The following NWD2 variants were observed in gnomAD, a reference collection of about 807,000 sequenced individuals.
NWD2 encodes the protein NACHT and WD repeat domain containing 2, also known as NACHT and WD repeat domain-containing protein 2.
NWD2 carries 37 observed loss-of-function variants against 132.7 expected under a neutral mutation model. The ratio of observed to expected loss-of-function variants is 0.28; its 90% CI spans 0.21 to 0.37. The LOEUF (loss-of-function observed/expected upper bound fraction) is 0.37, where lower values mean the gene tolerates loss of function less well. Ranked by LOEUF, NWD2 falls within the 10% of genes least tolerant of loss-of-function variation. NWD2 has a pLI of 1.00. For synonymous variants in NWD2, 705 were observed against 803.0 expected (o/e 0.88, Z 2.06); for missense variants, 1,592 against 2,122.4 (o/e 0.75, Z 4.91).
At chr4:37,380,131 G>T (rs374122012) in intron 3 of NWD2, among the ~76,000 whole-genome samples, 1 of 152,218 alleles carries the variant, frequency 6.6e-6, no homozygotes, top group Non-Finnish European at 1.5e-5. Flanking sequence ...TGAGTTGCAG[G>T]TATTGTTATA....
At chr4:37,276,521 G>A (rs2109266095) in intron 1 of NWD2, among the ~76,000 whole-genome samples, 1 of 152,256 alleles carries the variant, frequency 6.6e-6, no homozygotes, top group South Asian at 2.1e-4. Context: ...AACCATTGTG[G>A]AAGTCAGTGT....
At chr4:37,256,126 G>A (rs2109257207) in intron 1 of NWD2, among the ~76,000 whole-genome samples, 3 of 152,286 alleles carry the variant, frequency 2.0e-5, no homozygotes, top group Non-Finnish European at 2.9e-5. Flanking sequence ...GCCATATTCA[G>A]GCTCAGTGGA....
chr4:37,284,460 G>A (rs763675261), intron 1 of NWD2, among the ~76,000 whole-genome samples: 5 of 152,120 alleles, frequency 3.3e-5, no homozygotes, highest in Non-Finnish European at 5.9e-5. Context: ...AATATTCGAT[G>A]AGCCCCAGGA....
Position 37,448,628 on chromosome 4 carries a change from A to G in NWD2, c.*1411A>G, listed in dbSNP as rs964783553. The G allele has an allele frequency of 2.0e-5, 3 of 152,232 alleles. No homozygotes were observed. Among genetic ancestry groups the G allele is most frequent in the Non-Finnish European group, 4.4e-5 (3 of 68,044 alleles). The allele number at this position is 152,232 out of a possible 1,614,324, so 9.4% of individuals were successfully genotyped here. ...GTTGAGTTTAGTTTTCTTAGAAAGT[A>G]GAGAAGTAACACTTTACTAGAATAA... On this transcript the variant is annotated 3_prime_UTR_variant, in exon 7 of 7. Transcript: ENST00000309447.
At chr4:37,280,488 A>G (rs1306258489) in intron 1 of NWD2, among the ~76,000 whole-genome samples, 1 of 152,134 alleles carries the variant, frequency 6.6e-6, no homozygotes, top group Non-Finnish European at 1.5e-5. Flanking sequence ...TATCCGGGAG[A>G]AAAACCACAC....
chr4:37,397,166 C>G (rs1432901791), intron 3 of NWD2, among the ~76,000 whole-genome samples: 1 of 152,068 alleles, frequency 6.6e-6, no homozygotes, highest in African/African-American at 2.4e-5. Context: ...ACTTTTTAGT[C>G]AGCCCAGCAG....
chr4:37,252,771 T>C (rs899049335), intron 1 of NWD2, among the ~76,000 whole-genome samples: 1 of 152,180 alleles, frequency 6.6e-6, no homozygotes, highest in African/African-American at 2.4e-5. Flanking sequence ...AGATTCCTTA[T>C]AGGGGATTGG....
intron 3 of NWD2, among the ~76,000 whole-genome samples, chr4:37,363,037 A>G (rs1585809): frequency 0.93 from 142,252 of 152,226 alleles, 67,226 homozygotes; most frequent in East Asian, 1. Flanking sequence ...CAAGTGTCCC[A>G]CAAACGTATG....
At chr4:37,434,077 C>A in intron 5 of NWD2, 57 bp downstream of exon 5, 2 of 1,173,212 alleles carry the variant, frequency 1.7e-6, no homozygotes, top group Non-Finnish European at 2.4e-6. Context: ...GGTACATCTA[C>A]TGCTTCCCTT....
chr4:37,432,278 CAGTTAGGT>C, intron 4 of NWD2, among the ~76,000 whole-genome samples: 1 of 150,326 alleles, frequency 6.7e-6, no homozygotes, highest in Non-Finnish European at 1.5e-5. Flanking sequence ...TCCACATGAT[CAGTTAGGT>C]TTACCCCAAT....
chr4:37,283,130 G>A (rs1011585392), intron 1 of NWD2, among the ~76,000 whole-genome samples: 4 of 152,062 alleles, frequency 2.6e-5, no homozygotes, highest in Non-Finnish European at 5.9e-5. Flanking sequence ...GATTTCTACT[G>A]AACTCACCTT....
intron 1 of NWD2, among the ~76,000 whole-genome samples, chr4:37,318,757 A>T (rs890181237): frequency 6.6e-6 from 1 of 151,948 alleles, no homozygotes; most frequent in African/African-American, 2.4e-5. Flanking sequence ...ATGTTAATTC[A>T]CTTAGAATGA....
intron 1 of NWD2, among the ~76,000 whole-genome samples, chr4:37,314,092 G>T (rs1718910049): frequency 6.6e-6 from 1 of 152,134 alleles, no homozygotes; most frequent in South Asian, 2.1e-4. Context: ...TATTAATATG[G>T]TATATTCTAT....
intron 1 of NWD2, among the ~76,000 whole-genome samples, chr4:37,259,505 G>C (rs1717586906): frequency 6.6e-6 from 1 of 152,162 alleles, no homozygotes. Flanking sequence ...CTGAGTCCTG[G>C]ACATTCCTGC....
At chr4:37,341,206 G>A (rs1045181420) in intron 2 of NWD2, among the ~76,000 whole-genome samples, 2 of 152,088 alleles carry the variant, frequency 1.3e-5, no homozygotes, top group Non-Finnish European at 2.9e-5. Flanking sequence ...TATAAAATTG[G>A]CTTTGTGTTA....
chr4:37,446,146 C>T lies in NWD2; in HGVS notation c.4158C>T (p.Thr1386=). The T allele has an allele frequency of 6.4e-7, 1 of 1,551,712 alleles. No homozygotes were observed. The highest frequency in any genetic ancestry group is 1.4e-5 in the African/African-American group (1 of 73,158). ...DDKSSQYVWH[T]SSGENLFRIN... is the part of the protein sequence containing the mutation. Reference sequence around the variant, plus strand: ...AAAGCAGCCAGTATGTCTGGCACACCAGCAGTGGTGAAAACCTTTTTCGAA... The same window carrying T: ...AAAGCAGCCAGTATGTCTGGCACACTAGCAGTGGTGAAAACCTTTTTCGAA... Residue 1386 remains threonine, a synonymous_variant, in exon 7 of 7, where the codon ACC becomes ACT. Coordinates refer to ENST00000309447, the MANE Select transcript of NWD2 (RefSeq NM_001144990.2). The surrounding 1 kb of genome is among the most constrained non-coding windows in gnomAD (Gnocchi z 6.7).
At chr4:37,345,684 C>A (rs1217811102) in intron 2 of NWD2, among the ~76,000 whole-genome samples, 1 of 152,114 alleles carries the variant, frequency 6.6e-6, no homozygotes, top group East Asian at 1.9e-4. Flanking sequence ...TCATTTAAAT[C>A]ATAATTTTAA....
chr4:37,284,260 C>A (rs1300628363), intron 1 of NWD2, among the ~76,000 whole-genome samples: 1 of 152,174 alleles, frequency 6.6e-6, no homozygotes, highest in East Asian at 1.9e-4. Flanking sequence ...CAACAGAACT[C>A]TCTCTTTTGT....
In NWD2 at chr4:37,387,538, C is replaced by A. The variant is rs570742762; in HGVS notation, c.357+31056C>A. Among the ~76,000 whole-genome samples the A allele has an allele frequency of 2.0e-5, 3 of 151,906 alleles. No individual in the cohort carries two copies. In the East Asian group the frequency reaches 5.8e-4, roughly 29 times the overall value. ...CTCTTAAATATATATGAGCCATCTGCTTGTCTGTACGTCCTGTATCTTCAC... is the reference window on the plus strand; with the variant it reads ...CTCTTAAATATATATGAGCCATCTGATTGTCTGTACGTCCTGTATCTTCAC... On this transcript the variant is annotated intron_variant, in intron 3 of 6. Coordinates refer to ENST00000309447, the MANE Select transcript of NWD2 (RefSeq NM_001144990.2).
Sources: allele counts gnomAD v4.1 joint callset (sites outside exome capture counted in the v4.1 genomes callset), GRCh38; gene constraint gnomAD v4.1.1; non-coding constraint Gnocchi (gnomAD v3.1); transcripts MANE v1.5; gene names NCBI Gene and HGNC (gene_info 2026-07-23, HGNC 2026-07-21).